CPAMD8: variants seen among roughly 807,000 people sequenced by gnomAD.
CPAMD8 encodes C3 and PZP like alpha-2-macroglobulin domain containing 8, also known as C3 and PZP-like alpha-2-macroglobulin domain-containing protein 8.
A neutral mutation model predicts 224.7 loss-of-function variants in CPAMD8; 146 were observed. That is an observed-to-expected ratio of 0.65 (90% CI 0.57 to 0.75). CPAMD8 has a LOEUF of 0.75. Ranked by LOEUF, CPAMD8 falls within the 30% of genes least tolerant of loss-of-function variation. The probability of loss-of-function intolerance (pLI) is 0.00; values close to 1 mark genes in which losing one functional copy is unlikely to be tolerated. For missense variants in CPAMD8, 2,301 were observed against 2,537.5 expected (o/e 0.91, Z 2.00); for synonymous variants, 966 against 1,044.6 (o/e 0.92, Z 1.45).
chr19:16,982,593 G>A (rs1243427276), intron 13 of CPAMD8, among the ~76,000 whole-genome samples: 2 of 152,006 alleles, frequency 1.3e-5, no homozygotes, highest in African/African-American at 4.8e-5. Flanking sequence ...CTAACACTTT[G>A]GGAGGCTGAG....
At chr19:17,001,561 C>T (rs181211616) in intron 9 of CPAMD8, among the ~76,000 whole-genome samples, 4 of 142,096 alleles carry the variant, frequency 2.8e-5, no homozygotes, top group Non-Finnish European at 6.2e-5. Context: ...GAATACACAG[C>T]GGGAGAGGGG....
intron 22 of CPAMD8, among the ~76,000 whole-genome samples, chr19:16,940,419 C>G (rs2122169135): frequency 6.6e-6 from 1 of 152,246 alleles, no homozygotes; most frequent in Non-Finnish European, 1.5e-5. Context: ...TGGCTTAGGG[C>G]CACTCACTCA....
intron 23 of CPAMD8, 35 bp downstream of exon 23, chr19:16,938,360 G>A: frequency 2.2e-6 from 3 of 1,354,768 alleles, no homozygotes; most frequent in Non-Finnish European, 3.0e-6. Context: ...CAGCCAGGTG[G>A]CCACACCTTA....
At chr19:16,961,424 T>A (rs1311475611) in intron 18 of CPAMD8, among the ~76,000 whole-genome samples, 4 of 152,184 alleles carry the variant, frequency 2.6e-5, no homozygotes, top group African/African-American at 9.7e-5. Context: ...AGCACAGCAG[T>A]CTGAGATCGA....
rs1253791979 is a variant in CPAMD8 at position 16,893,123 on chromosome 19, G to A, written c.5643C>T (p.Thr1881=). 1 of 1,443,094 alleles carries A rather than the reference G, an allele frequency of 6.9e-7. No individual in the cohort carries two copies. Among genetic ancestry groups the A allele is most frequent in the East Asian group, 2.3e-5 (1 of 43,964 alleles). 89.4% of individuals were successfully genotyped at this position (1,443,094 alleles called of 1,614,324 possible). A position where few individuals can be genotyped will look rare whatever the true frequency, so the allele number is the denominator to read the frequency against. Residue 1881 remains threonine (T), a synonymous_variant, in exon 42 of 42, where the codon ACC becomes ACT. Transcript: ENST00000443236. The part of the protein sequence containing the change: ...GGEEGLWMSN[T]CTLR ...GGTTGTAGGATTATCTCAAGGTGCA[G>A]GTGTTTGACATCCATAAACCCTCCT...
chr19:16,936,605 C>G (rs1048557268), intron 23 of CPAMD8, among the ~76,000 whole-genome samples: 55 of 151,434 alleles, frequency 3.6e-4, no homozygotes, highest in Non-Finnish European at 8.8e-5. Flanking sequence ...TGGAGTTTCA[C>G]CGTGCTGGTC....
At position 16,898,740 on chromosome 19, in the gene CPAMD8, T is replaced by C. The variant is rs1419094575; in HGVS notation, c.4848+735A>G. 1.3e-5 allele frequency among the ~76,000 whole-genome samples: 2 copies of C among 152,086 alleles called. No homozygotes were observed. The highest frequency in any genetic ancestry group is 2.9e-5 in the Non-Finnish European group (2 of 68,018). On this transcript the variant is annotated intron_variant, in intron 37 of 41. Coordinates refer to ENST00000443236, the MANE Select transcript of CPAMD8 (RefSeq NM_015692.5). The surrounding 1 kb of genome is among the most constrained non-coding windows in gnomAD (Gnocchi z 4.2). ...GTCTGGCTTCTTTCACTCAGCATCA[T>C]GTTTCTGAGGTTCATCCATGCTGTA...
chr19:17,008,358 G>A, intron 7 of CPAMD8, 147 bp downstream of exon 7: 1 of 979,844 alleles, frequency 1.0e-6, no homozygotes, highest in South Asian at 1.6e-5. Context: ...CTCCCAGGTG[G>A]GTACCTGCCC....
chr19:16,933,783 T>G (rs1239662572), intron 23 of CPAMD8, among the ~76,000 whole-genome samples: 3 of 152,214 alleles, frequency 2.0e-5, no homozygotes, highest in Admixed American at 1.3e-4. Flanking sequence ...GGTTGGCAGT[T>G]TCTTAAAAAG....
Position 16,907,010 on chromosome 19 carries a change from G to C in CPAMD8, c.3969C>G (p.Leu1323=), listed in dbSNP as rs1256345679. 2 of 1,605,802 alleles carry C rather than the reference G, an allele frequency of 1.2e-6. No individual in the cohort carries two copies. Among genetic ancestry groups the C allele is most frequent in the Non-Finnish European group, 1.7e-6 (2 of 1,177,636 alleles). ...CALTTYALTL[L]RSPAAPEALR... ...GTGCCTCAGGGGCTGCCGGGCTGCGGAGCAGGGTCAGCGCGTAGGTAGTCA... is the reference window on the plus strand; with the variant it reads ...GTGCCTCAGGGGCTGCCGGGCTGCGCAGCAGGGTCAGCGCGTAGGTAGTCA... The change falls in exon 30 of 42, where the codon CTC becomes CTG. Residue 1323 remains leucine, a synonymous_variant. Transcript: ENST00000443236.
intron 27 of CPAMD8, among the ~76,000 whole-genome samples, chr19:16,918,523 C>T (rs1337508570): frequency 1.3e-5 from 2 of 150,036 alleles, no homozygotes; most frequent in Non-Finnish European, 2.9e-5. Context: ...TCATAGCTCA[C>T]TGCAGCCTTG....
chr19:16,988,733 T>A (rs980184673), intron 13 of CPAMD8, among the ~76,000 whole-genome samples: 1 of 152,124 alleles, frequency 6.6e-6, no homozygotes, highest in African/African-American at 2.4e-5. Flanking sequence ...ATTAGGTCCC[T>A]TAGAGCAGGG....
chr19:16,904,176 A>AGCGCG, intron 32 of CPAMD8, 50 bp downstream of exon 32: 1 of 937,340 alleles, frequency 1.1e-6, no homozygotes, highest in Non-Finnish European at 1.7e-6. Flanking sequence ...GACTGCAGGG[A>AGCGCG]CCCCACCCAC....
chr19:16,901,802 G>A (rs1014346837), intron 35 of CPAMD8, among the ~76,000 whole-genome samples: 2 of 152,190 alleles, frequency 1.3e-5, no homozygotes, highest in African/African-American at 2.4e-5. Flanking sequence ...TAGGGCGTTG[G>A]GGACAAGGAA....
rs905674830 is a variant in CPAMD8 at position 17,022,304 on chromosome 19, C to G, written c.93-123G>C. 1.0e-5 allele frequency: 11 copies of G among 1,091,406 alleles called. No individual in the cohort carries two copies. The African/African-American group carries it at 1.7e-4, about 17-fold the overall frequency. 67.6% of individuals were successfully genotyped at this position (1,091,406 alleles called of 1,614,324 possible). On this transcript the variant is annotated intron_variant, in intron 1 of 41. Coordinates refer to ENST00000443236, the MANE Select transcript of CPAMD8 (RefSeq NM_015692.5). ...CCTTTTGCTGACCACACCTGGCTGG[C>G]ATTGATGCTCTAGGAGTCTGTGCCC...
intron 22 of CPAMD8, among the ~76,000 whole-genome samples, chr19:16,940,267 G>A (rs766914295): frequency 8.9e-4 from 136 of 152,252 alleles, no homozygotes; most frequent in African/African-American, 2.9e-3. Context: ...TTCCATAAGC[G>A]CATGAGCCAG....
At chr19:17,008,734 G>GA in intron 6 of CPAMD8, 175 bp from the exon 7 acceptor site, 1 of 768,346 alleles carries the variant, frequency 1.3e-6, no homozygotes, top group Non-Finnish European at 2.3e-6. Flanking sequence ...AGAAGGATTT[G>GA]AAAAGCAGAA....
chr19:17,012,169 T>C (rs2056673607), intron 3 of CPAMD8, among the ~76,000 whole-genome samples: 1 of 151,814 alleles, frequency 6.6e-6, no homozygotes, highest in Non-Finnish European at 1.5e-5. Context: ...CAGGTGTGTG[T>C]CACCATGCCT....
rs564709572 is a variant in CPAMD8 at position 16,945,498 on chromosome 19, C to T, written c.2793+51G>A. ...ACTCCAGCTGGGCCCAGCTTCATGG[C>T]TGAAGGAATGAGGCCCTGGCTAAGC... On this transcript the variant is annotated intron_variant, in intron 22 of 41. Coordinates refer to ENST00000443236, the MANE Select transcript of CPAMD8 (RefSeq NM_015692.5). The T allele has an allele frequency of 1.7e-5, 27 of 1,592,832 alleles. 2 individuals are homozygous for T. In the East Asian group the frequency reaches 5.8e-4, roughly 34 times the overall value.
Sources: allele counts gnomAD v4.1 joint callset (sites outside exome capture counted in the v4.1 genomes callset), GRCh38; gene constraint gnomAD v4.1.1; non-coding constraint Gnocchi (gnomAD v3.1); transcripts MANE v1.5; gene names NCBI Gene and HGNC (gene_info 2026-07-23, HGNC 2026-07-21).